RALYL: variants seen among roughly 807,000 people sequenced by gnomAD.
The protein encoded by RALYL is RALY RNA binding protein like.
RALYL carries 29 observed loss-of-function variants against 35.1 expected under a neutral mutation model. The observed-to-expected ratio is 0.83, with a 90% CI of 0.61 to 1.13. The LOEUF (loss-of-function observed/expected upper bound fraction) is 1.13, where lower values mean the gene tolerates loss of function less well. Among genes scored for constraint, RALYL ranks in the 50% most tolerant of loss-of-function variants. RALYL has a pLI of 0.00. For synonymous variants in RALYL, 120 were observed against 127.6 expected (o/e 0.94, Z 0.40); for missense variants, 359 against 360.4 (o/e 1.00, Z 0.03).
At chr8:84,466,646 T>A (rs2133545380) in intron 1 of RALYL, among the ~76,000 whole-genome samples, 1 of 151,234 alleles carries the variant, frequency 6.6e-6, no homozygotes, top group African/African-American at 2.4e-5. Context: ...ATCAGAATGA[T>A]GCTGGCCTCA....
chr8:84,467,964 A>C (rs2051980100), intron 1 of RALYL, among the ~76,000 whole-genome samples: 1 of 139,402 alleles, frequency 7.2e-6, no homozygotes, highest in Non-Finnish European at 1.6e-5. Context: ...TAGGATTGCA[A>C]CCCCTGCCTT....
chr8:84,472,071 C>T (rs1434604577), intron 1 of RALYL, among the ~76,000 whole-genome samples: 1 of 152,166 alleles, frequency 6.6e-6, no homozygotes, highest in African/African-American at 2.4e-5. Flanking sequence ...ATTTTTTTAT[C>T]GTTTAATCTA....
intron 1 of RALYL, among the ~76,000 whole-genome samples, chr8:84,495,479 T>C: frequency 6.6e-6 from 1 of 152,088 alleles, no homozygotes; most frequent in East Asian, 1.9e-4. Context: ...CAATTTATAT[T>C]TTAAAAATAT....
chr8:84,755,890 C>T (rs1585985209), intron 2 of RALYL, among the ~76,000 whole-genome samples: 1 of 150,928 alleles, frequency 6.6e-6, no homozygotes, highest in East Asian at 1.9e-4. Context: ...AAAAAAAATC[C>T]TCTTACCAAG....
intron 2 of RALYL, among the ~76,000 whole-genome samples, chr8:84,639,772 A>G (rs1825930850): frequency 6.6e-6 from 1 of 151,966 alleles, no homozygotes; most frequent in African/African-American, 2.4e-5. Flanking sequence ...AAAAGAATTA[A>G]AGCCAATTAA....
At chr8:84,203,575 T>C (rs1248485189) in intron 1 of RALYL, among the ~76,000 whole-genome samples, 10 of 152,164 alleles carry the variant, frequency 6.6e-5, no homozygotes, top group Non-Finnish European at 1.5e-4. Context: ...TTTCATTATA[T>C]GTCTTTGTGT....
chr8:84,209,474 T>A (rs1818923636), intron 1 of RALYL, among the ~76,000 whole-genome samples: 1 of 152,176 alleles, frequency 6.6e-6, no homozygotes, highest in Admixed American at 6.6e-5. Flanking sequence ...GATGGGAACA[T>A]CTAACTCTAA....
intron 2 of RALYL, among the ~76,000 whole-genome samples, chr8:84,587,485 G>A (rs1812273229): frequency 1.3e-5 from 2 of 152,066 alleles, no homozygotes; most frequent in Non-Finnish European, 2.9e-5. Flanking sequence ...AAGAATTCTG[G>A]GGAAATCTAA....
At chr8:84,235,572 A>G (rs1412345913) in intron 1 of RALYL, among the ~76,000 whole-genome samples, 1 of 152,222 alleles carries the variant, frequency 6.6e-6, no homozygotes, top group African/African-American at 2.4e-5. Context: ...TATATAAATC[A>G]TAGAAGAAGA....
At chr8:84,702,957 C>T (rs1035259777) in intron 2 of RALYL, among the ~76,000 whole-genome samples, 3 of 152,150 alleles carry the variant, frequency 2.0e-5, no homozygotes, top group Non-Finnish European at 4.4e-5. Flanking sequence ...AACAAAACAA[C>T]TCTAGCCCAT....
chr8:84,619,014 G>T (rs13258359), intron 2 of RALYL, among the ~76,000 whole-genome samples: 1 of 147,678 alleles, frequency 6.8e-6, no homozygotes, highest in Admixed American at 6.7e-5. Context: ...TTACTTCCAA[G>T]TATGTGGTCA....
At chr8:84,525,729 C>T (rs1285502325) in intron 1 of RALYL, among the ~76,000 whole-genome samples, 2 of 151,750 alleles carry the variant, frequency 1.3e-5, no homozygotes, top group East Asian at 1.9e-4. Context: ...TTCACAAATT[C>T]GTTCTTCTGC....
intron 1 of RALYL, among the ~76,000 whole-genome samples, chr8:84,464,561 T>C (rs2051283980): frequency 6.7e-6 from 1 of 150,278 alleles, no homozygotes; most frequent in Non-Finnish European, 1.5e-5. Flanking sequence ...TTGGGTTGGT[T>C]CCAAGTCTTT....
intron 2 of RALYL, among the ~76,000 whole-genome samples, chr8:84,560,700 A>G (rs1332151597): frequency 6.6e-6 from 1 of 151,864 alleles, no homozygotes; most frequent in East Asian, 1.9e-4. Flanking sequence ...GATACTGGAG[A>G]CCAAATTTCA....
chr8:84,682,819 G>GA (rs1554776870), intron 2 of RALYL, among the ~76,000 whole-genome samples: 1 of 150,844 alleles, frequency 6.6e-6, no homozygotes, highest in Non-Finnish European at 1.5e-5. Flanking sequence ...TTTTTGATGG[G>GA]TTTTTTTTTG....
intron 2 of RALYL, among the ~76,000 whole-genome samples, chr8:84,751,397 G>A (rs1048445749): frequency 1.4e-4 from 22 of 151,822 alleles, no homozygotes; most frequent in Non-Finnish European, 2.4e-4. Context: ...TAGTAGAGAC[G>A]GGGTTTCACC....
At chr8:84,196,191 C>A (rs1242237189) in intron 1 of RALYL, among the ~76,000 whole-genome samples, 1 of 152,102 alleles carries the variant, frequency 6.6e-6, no homozygotes, top group Non-Finnish European at 1.5e-5. Context: ...TGTATGCAAT[C>A]TTTTTATTTC....
intron 2 of RALYL, among the ~76,000 whole-genome samples, chr8:84,729,956 C>A (rs529939564): frequency 4.3e-3 from 656 of 152,158 alleles, no homozygotes; most frequent in African/African-American, 0.014. Context: ...ACCAGAGGTA[C>A]AAGGAGGAAC....
chr8:84,818,365 GT>G (rs1378001912), intron 4 of RALYL, among the ~76,000 whole-genome samples: 3 of 152,180 alleles, frequency 2.0e-5, no homozygotes, highest in Non-Finnish European at 4.4e-5. Context: ...GAATTGAGAA[GT>G]TAAAGAAACT....
Sources: gnomAD v4.1 joint callset for allele counts (sites outside exome capture counted in the v4.1 genomes callset) on GRCh38, gnomAD v4.1.1 for gene constraint, MANE v1.5 for transcripts, NCBI Gene and HGNC (gene_info 2026-07-23, HGNC 2026-07-21) for gene names.